Variants in AMER1 observed in about 807,000 individuals in gnomAD.
AMER1 encodes RP11-403E24.2.
A neutral mutation model predicts 53.0 loss-of-function variants in AMER1; 16 were observed. The ratio of observed to expected loss-of-function variants is 0.30; its 90% CI spans 0.20 to 0.46. The LOEUF (loss-of-function observed/expected upper bound fraction) is 0.46, where lower values mean the gene tolerates loss of function less well. AMER1 is among the 20% of genes least tolerant of loss of function. The pLI, the probability that AMER1 is intolerant of heterozygous loss-of-function variation, is 1.00. For missense variants in AMER1, 947 were observed against 884.9 expected (o/e 1.07, Z -0.89); for synonymous variants, 354 against 331.9 (o/e 1.07, Z -0.73).
chrX:64,191,143 C>G lies in AMER1; in HGVS notation c.2144G>C (p.Ser715Thr). Residue 715 changes from serine (S) to threonine (T), a missense_variant, in exon 2 of 2, where the codon AGT becomes ACT. Physicochemically the swap from Ser to Thr is moderately conservative, Grantham distance 58. Transcript: ENST00000374869. The stretch of plus-strand genomic sequence containing the variant: ...CTGGAAGAGCTGCATCAGGCAGGTA[C>G]TTTGATCTTTCTTGGAGCAGGTTCC... ...YEGTCSKKDQ[S>T]TCLMQLFQSD... 8.2e-7 allele frequency: 1 copy of G among 1,212,236 alleles called. No individual in the cohort carries two copies. The highest frequency in any genetic ancestry group is 1.1e-6 in the Non-Finnish European group (1 of 895,666).
rs777125067 is a variant in AMER1, at chrX:64,192,797, T to C, written c.490A>G (p.Lys164Glu). The C allele has an allele frequency of 8.3e-7, 1 of 1,211,111 alleles. No individual in the cohort carries two copies. Among genetic ancestry groups the C allele is most frequent in the Non-Finnish European group, 1.1e-6 (1 of 895,256 alleles). ...AAGCCTTTTAGGCCTTTCTTTGGCTTGGGCATAGAGGGAAACTTCTCAGCC... is the reference window on the plus strand; with the variant it reads ...AAGCCTTTTAGGCCTTTCTTTGGCTCGGGCATAGAGGGAAACTTCTCAGCC... ...AVAEKFPSMP[K>E]PKKGLKGFFS... is the part of the protein sequence containing the mutation. Residue 164 changes from lysine (K) to glutamate (E), a missense_variant, in exon 2 of 2, where the codon AAG becomes GAG. Physicochemically the swap from Lys to Glu is moderately conservative, Grantham distance 56. Coordinates refer to ENST00000374869, the MANE Select transcript of AMER1 (RefSeq NM_152424.4).
At position 64,190,799 on chromosome X, in the gene AMER1, T is replaced by C. The variant is rs767309942; in HGVS notation, c.2488A>G (p.Asn830Asp). 26 of 1,208,727 alleles carry C rather than the reference T, an allele frequency of 2.2e-5. No homozygotes were observed. The highest frequency in any genetic ancestry group is 2.6e-5 in the Non-Finnish European group (23 of 894,564). ...AAGGAGGCTGCAAGATCTTCATCAT[T>C]GTGGAACTCAGGATTCTCTTCACAC... ...GKCEENPEFHNDEDLAASLEA... is the reference protein window; with the variant it reads ...GKCEENPEFHDDEDLAASLEA... Residue 830 changes from asparagine (N) to aspartate (D), a missense_variant, in exon 2 of 2, where the codon AAT becomes GAT. Coordinates refer to ENST00000374869, the MANE Select transcript of AMER1 (RefSeq NM_152424.4).
chrX:64,192,275 C>T lies in AMER1; in HGVS notation c.1012G>A (p.Asp338Asn), dbSNP rs2147089237. Residue 338 changes from aspartate (D) to asparagine (N), a missense_variant, in exon 2 of 2, where the codon GAC becomes AAC. By Grantham distance (23) the Asp-to-Asn change is conservative. Transcript: ENST00000374869. Reference sequence around the variant, plus strand: ...GAGGCCATGCTGTCTGTCATACTGTCCATGTCCTGTTCTGCTATTATGTCA... The same window carrying T: ...GAGGCCATGCTGTCTGTCATACTGTTCATGTCCTGTTCTGCTATTATGTCA... ...CGDIIAEQDMDSMTDSMASGG... is the reference protein window; with the variant it reads ...CGDIIAEQDMNSMTDSMASGG... 1 of 1,212,255 alleles carries T rather than the reference C, an allele frequency of 8.2e-7. No homozygotes were observed. The highest frequency in any genetic ancestry group is 1.7e-5 in the African/African-American group (1 of 57,932).
intron 1 of AMER1, among the ~76,000 whole-genome samples, chrX:64,205,112 G>C (rs1930570620): frequency 8.8e-6 from 1 of 113,879 alleles, no homozygotes; most frequent in South Asian, 3.5e-4. Context: ...GGAGGGGAGG[G>C]GCGGCAGCCA....
rs1288332581 is a variant in AMER1 at position 64,191,763 on chromosome X, G to T, written c.1524C>A (p.Phe508Leu). ...DSYSGDALYEFYEPDDSLENS... is the reference protein window; with the variant it reads ...DSYSGDALYELYEPDDSLENS... ...TCTCAAGGCTGTCATCTGGCTCATAGAACTCATATAGGGCATCTCCACTGT... is the reference window on the plus strand; with the variant it reads ...TCTCAAGGCTGTCATCTGGCTCATATAACTCATATAGGGCATCTCCACTGT... The change falls in exon 2 of 2, where the codon TTC becomes TTA. Residue 508 changes from phenylalanine to leucine, a missense_variant. Phe to Leu is a conservative substitution (Grantham distance 22). Transcript: ENST00000374869. 29 of 1,211,764 alleles carry T rather than the reference G, an allele frequency of 2.4e-5. No individual in the cohort carries two copies. Among genetic ancestry groups the T allele is most frequent in the Non-Finnish European group, 3.1e-5 (28 of 895,459 alleles).
In AMER1 at chrX:64,193,249, C is replaced by G. The variant is rs779297568; in HGVS notation, c.38G>C (p.Gly13Ala). Residue 13 changes from glycine (G) to alanine (A), a missense_variant, in exon 2 of 2, where the codon GGA becomes GCA. Transcript: ENST00000374869. ...TQKDEAAQAK[G>A]AAASGSTREQ... ...ACGGGTACTCCCAGAGGCTGCAGCTCCCTTGGCCTGAGCAGCTTCATCCTT... is the reference window on the plus strand; with the variant it reads ...ACGGGTACTCCCAGAGGCTGCAGCTGCCTTGGCCTGAGCAGCTTCATCCTT... The G allele has an allele frequency of 1.7e-6, 2 of 1,209,949 alleles. No homozygotes were observed. Among genetic ancestry groups the G allele is most frequent in the African/African-American group, 3.5e-5 (2 of 57,066 alleles).
At position 64,189,792 on chromosome X, in the gene AMER1, A is replaced by AGCGGGGGGCCCCCCCC; in HGVS notation, c.*86_*87insGGGGGGGGCCCCCCGC. 1.3e-6 allele frequency: 1 copy of AGCGGGGGGCCCCCCCC among 746,979 alleles called. No individual in the cohort carries two copies. Among genetic ancestry groups the AGCGGGGGGCCCCCCCC allele is most frequent in the East Asian group, 8.5e-5 (1 of 11,770 alleles). The allele number at this position is 746,979 out of a possible 1,213,427, so 61.6% of individuals were successfully genotyped here. ...CCAAAGGGTTTTCAAGTTAAACAAC[A>AGCGGGGGGCCCCCCCC]ACCCCCACCCCCCCACCCTTCTGCC... On this transcript the variant is annotated 3_prime_UTR_variant, in exon 2 of 2. Coordinates refer to ENST00000374869, the MANE Select transcript of AMER1 (RefSeq NM_152424.4).
At chrX:64,194,928 A>C (rs973162264) in intron 1 of AMER1, among the ~76,000 whole-genome samples, 1 of 111,672 alleles carries the variant, frequency 9.0e-6, no homozygotes, top group Non-Finnish European at 1.9e-5. Context: ...CCAAGCTTCC[A>C]TAAAGAACAC....
At chrX:64,196,049 G>A (rs769971229) in intron 1 of AMER1, among the ~76,000 whole-genome samples, 35 of 112,418 alleles carry the variant, frequency 3.1e-4, no homozygotes, top group Non-Finnish European at 4.1e-4. Flanking sequence ...CTGCTTTCCA[G>A]AGCCTTGACG....
At position 64,186,661 on chromosome X, in the gene AMER1, G is replaced by C. The variant is rs1306815512; in HGVS notation, c.*3218C>G. On this transcript the variant is annotated 3_prime_UTR_variant, in exon 2 of 2. Transcript: ENST00000374869. ...CTTCCCTTCTTGGCATAGGACTAAGGAGGGAGAGAGACTGGTGTTTACTGA... is the reference window on the plus strand; with the variant it reads ...CTTCCCTTCTTGGCATAGGACTAAGCAGGGAGAGAGACTGGTGTTTACTGA... 9.1e-6 allele frequency: 7 copies of C among 771,909 alleles called. No individual in the cohort carries two copies. The highest frequency in any genetic ancestry group is 1.1e-5 in the Non-Finnish European group (7 of 650,487). The allele number at this position is 771,909 out of a possible 1,213,427, so 63.6% of individuals were successfully genotyped here. A position where few individuals can be genotyped will look rare whatever the true frequency, so the allele number is the denominator to read the frequency against.
Position 64,186,492 on chromosome X carries a change from T to C in AMER1, c.*3387A>G. ...AACATACACATGGGTAAACTTGAAG[T>C]CTCCCTGCTAAACCCCATGCCTCCC... On this transcript the variant is annotated 3_prime_UTR_variant, in exon 2 of 2. Transcript: ENST00000374869. 1 of 785,687 alleles carries C rather than the reference T, an allele frequency of 1.3e-6. No individual in the cohort carries two copies. Among genetic ancestry groups the C allele is most frequent in the Non-Finnish European group, 1.5e-6 (1 of 658,823 alleles). The allele number at this position is 785,687 out of a possible 1,213,427, so 64.7% of individuals were successfully genotyped here.
In AMER1 at chrX:64,189,288, T is replaced by G. The variant is rs961687178; in HGVS notation, c.*591A>C. 1.1e-5 allele frequency: 9 copies of G among 788,544 alleles called. No homozygotes were observed. In the African/African-American group the frequency reaches 2.1e-4, roughly 18 times the overall value. The allele number at this position is 788,544 out of a possible 1,213,427, so 65.0% of individuals were successfully genotyped here. A position where few individuals can be genotyped will look rare whatever the true frequency, so the allele number is the denominator to read the frequency against. The stretch of plus-strand genomic sequence containing the variant: ...CCAAAAGGAATAGGGGTGGGGAGGA[T>G]CTGTACCATAATTTCACATTGCTAA... On this transcript the variant is annotated 3_prime_UTR_variant, in exon 2 of 2. Coordinates refer to ENST00000374869, the MANE Select transcript of AMER1 (RefSeq NM_152424.4).
intron 1 of AMER1, among the ~76,000 whole-genome samples, chrX:64,203,384 C>T (rs1930532007): frequency 9.0e-6 from 1 of 111,611 alleles, no homozygotes; most frequent in Admixed American, 9.5e-5. Context: ...GAAAACTCTA[C>T]AAAGAAAGCA....
At chrX:64,198,194 T>TA (rs1184945123) in intron 1 of AMER1, among the ~76,000 whole-genome samples, 1 of 112,342 alleles carries the variant, frequency 8.9e-6, no homozygotes, top group Non-Finnish European at 1.9e-5. Flanking sequence ...AGCTACTGGC[T>TA]AGCAGCCAAG....
At chrX:64,195,211 C>A (rs1047438603) in intron 1 of AMER1, among the ~76,000 whole-genome samples, 2 of 111,803 alleles carry the variant, frequency 1.8e-5, no homozygotes, top group Non-Finnish European at 3.8e-5. Context: ...GTTTTCTGCC[C>A]CTGGGTCTGG....
intron 1 of AMER1, among the ~76,000 whole-genome samples, chrX:64,204,654 C>T (rs1930559497): frequency 8.8e-6 from 1 of 113,336 alleles, no homozygotes; most frequent in Non-Finnish European, 1.9e-5. Flanking sequence ...CAAGGAAATG[C>T]CCCCCAAACA....
At chrX:64,199,593 G>A (rs763801373) in intron 1 of AMER1, among the ~76,000 whole-genome samples, 13 of 111,489 alleles carry the variant, frequency 1.2e-4, no homozygotes, top group African/African-American at 3.6e-4. Context: ...CTCTTGTGAT[G>A]AGGCCACTTG....
Position 64,192,429 on chromosome X carries a change from G to A in AMER1, c.858C>T (p.Ser286=), listed in dbSNP as rs2147089591. The A allele has an allele frequency of 8.3e-7, 1 of 1,209,524 alleles. No homozygotes were observed. The highest frequency in any genetic ancestry group is 1.7e-5 in the African/African-American group (1 of 57,946). The change falls in exon 2 of 2, where the codon AGC becomes AGT. Residue 286 remains serine (S), a synonymous_variant. Transcript: ENST00000374869. ...PEASSLEEPH[S]PETGEKVVAG... ...CTACTACCTTCTCCCCTGTTTCTGGGCTATGGGGCTCCTCTAGGCTACTGG... is the reference window on the plus strand; with the variant it reads ...CTACTACCTTCTCCCCTGTTTCTGGACTATGGGGCTCCTCTAGGCTACTGG...
At position 64,191,985 on chromosome X, in the gene AMER1, G is replaced by C. The variant is rs372086903; in HGVS notation, c.1302C>G (p.His434Gln). Reference sequence around the variant, plus strand: ...TAACTGGGTCAAGGAGCATGTAGCCGTGGTGGCCTGGGGATGTGGTGGGAT... The same window carrying C: ...TAACTGGGTCAAGGAGCATGTAGCCCTGGTGGCCTGGGGATGTGGTGGGAT... ...GYHPTTSPGH[H>Q]GYMLLDPVRS... Residue 434 changes from histidine to glutamine, a missense_variant, in exon 2 of 2, where the codon CAC becomes CAG. Coordinates refer to ENST00000374869, the MANE Select transcript of AMER1 (RefSeq NM_152424.4). 1 of 1,212,121 alleles carries C rather than the reference G, an allele frequency of 8.3e-7. No individual in the cohort carries two copies. The highest frequency in any genetic ancestry group is 3.0e-5 in the East Asian group (1 of 33,829).
Sources: gnomAD v4.1 joint callset for allele counts (sites outside exome capture counted in the v4.1 genomes callset) on GRCh38, gnomAD v4.1.1 for gene constraint, MANE v1.5 for transcripts, NCBI Gene and HGNC (gene_info 2026-07-23, HGNC 2026-07-21) for gene names.